Variants in SPOCK1 observed in about 807,000 individuals in gnomAD.
The protein encoded by SPOCK1 is testican-1.
A neutral mutation model predicts 55.3 loss-of-function variants in SPOCK1; 23 were observed. The observed-to-expected ratio is 0.42, with a 90% CI of 0.30 to 0.59. SPOCK1 has a LOEUF of 0.59. Among genes scored for constraint, SPOCK1 ranks in the 20% least tolerant of loss-of-function variants. The probability of loss-of-function intolerance (pLI) is 0.22; values close to 1 mark genes in which losing one functional copy is unlikely to be tolerated. For synonymous variants in SPOCK1, 226 were observed against 221.0 expected, an observed-to-expected ratio of 1.02 and a Z score of -0.20; for missense variants, 499 against 552.5, an observed-to-expected ratio of 0.90 and a Z score of 0.97.
At position 137,140,747 on chromosome 5, in the gene SPOCK1, ATTTTTTTTTTT is replaced by A. The variant is rs11309240; in HGVS notation, c.233-64_233-54del. ...GGTTTAGGACCTCCAGGGAAATTTA[ATTTTTTTTTTT>A]TTTTTTTTTTTTTTTGTTGAGACGG... On this transcript the variant is annotated intron_variant, in intron 3 of 10. Transcript: ENST00000394945. The A allele has an allele frequency of 1.7e-5, 6 of 351,586 alleles. No individual in the cohort carries two copies. In the African/African-American group the frequency reaches 1.8e-4, roughly 11 times the overall value. The allele number at this position is 351,586 out of a possible 1,614,324, so 21.8% of individuals were successfully genotyped here. A position where few individuals can be genotyped will look rare whatever the true frequency, so the allele number is the denominator to read the frequency against.
intron 3 of SPOCK1, among the ~76,000 whole-genome samples, chr5:137,257,282 T>C (rs1342861072): frequency 2.0e-5 from 3 of 152,184 alleles, no homozygotes; most frequent in Admixed American, 2.0e-4. Context: ...TTGAACTGAA[T>C]GTTTGTGTCC....
chr5:137,159,795 T>G (rs1324795878), intron 3 of SPOCK1, among the ~76,000 whole-genome samples: 1 of 152,196 alleles, frequency 6.6e-6, no homozygotes, highest in East Asian at 1.9e-4. Flanking sequence ...TGTCCACTTT[T>G]AATTCTAGTT....
chr5:137,059,214 A>C (rs1171064319), intron 6 of SPOCK1, among the ~76,000 whole-genome samples: 1 of 152,250 alleles, frequency 6.6e-6, no homozygotes, highest in Non-Finnish European at 1.5e-5. Context: ...TTACATATTT[A>C]AGTCTGGAGT....
chr5:137,220,765 C>T (rs1031146230), intron 3 of SPOCK1, among the ~76,000 whole-genome samples: 1 of 152,152 alleles, frequency 6.6e-6, no homozygotes, highest in East Asian at 1.9e-4. Flanking sequence ...GCTGTGTCAG[C>T]GAATAGGTAG....
intron 2 of SPOCK1, among the ~76,000 whole-genome samples, chr5:137,457,021 T>G (rs1753381712): frequency 6.6e-6 from 1 of 152,224 alleles, no homozygotes; most frequent in African/African-American, 2.4e-5. Flanking sequence ...CCAATAGTTA[T>G]CCTACTTAAT....
chr5:137,009,585 G>A (rs2126973671), intron 6 of SPOCK1, among the ~76,000 whole-genome samples: 1 of 152,302 alleles, frequency 6.6e-6, no homozygotes, highest in South Asian at 2.1e-4. Flanking sequence ...TAGCCCTGAG[G>A]TGGGAGAAAG....
At chr5:137,111,827 C>T (rs1219587318) in intron 5 of SPOCK1, among the ~76,000 whole-genome samples, 1 of 152,228 alleles carries the variant, frequency 6.6e-6, no homozygotes, top group Non-Finnish European at 1.5e-5. Context: ...TATAAATAGA[C>T]ATATTTTATC....
At chr5:137,338,605 C>T (rs1462042515) in intron 2 of SPOCK1, among the ~76,000 whole-genome samples, 16 of 152,044 alleles carry the variant, frequency 1.1e-4, no homozygotes, top group Middle Eastern at 6.8e-3. Flanking sequence ...CTGACTTCCA[C>T]AATGGTTGAA....
chr5:137,117,635 T>A (rs1301897394), intron 4 of SPOCK1, among the ~76,000 whole-genome samples: 1 of 152,136 alleles, frequency 6.6e-6, no homozygotes, highest in African/African-American at 2.4e-5. Flanking sequence ...GTTAGCACTA[T>A]GGTGAAGACA....
intron 2 of SPOCK1, among the ~76,000 whole-genome samples, chr5:137,317,085 G>T (rs1173958739): frequency 8.5e-5 from 13 of 152,220 alleles, no homozygotes. Flanking sequence ...CAACATGGAT[G>T]GTCCTTGATT....
intron 2 of SPOCK1, among the ~76,000 whole-genome samples, chr5:137,356,873 A>AGAGAGAGAGAGAGAGAGG (rs796667572): frequency 1.4e-5 from 1 of 69,826 alleles, no homozygotes; most frequent in Non-Finnish European, 2.7e-5. Flanking sequence ...AGAGAGAGAG[A>AGAGAGAGAGAGAGAGAGG]GAGTATGCAG....
In SPOCK1 at chr5:136,977,814, C is replaced by T. The variant is rs531662621; in HGVS notation, c.*840G>A. 1 of 399,000 alleles carries T rather than the reference C, an allele frequency of 2.5e-6. No individual in the cohort carries two copies. The highest frequency in any genetic ancestry group is 3.6e-5 in the East Asian group (1 of 28,074). 24.7% of individuals were successfully genotyped at this position (399,000 alleles called of 1,614,324 possible). The stretch of plus-strand genomic sequence containing the variant: ...AGAGACTTCCTCAGCCTGCAGGCTA[C>T]AAGAGCCAACTGTTAGTGCAAAAAA... On this transcript the variant is annotated 3_prime_UTR_variant, in exon 11 of 11. Transcript: ENST00000394945.
At chr5:137,157,634 G>A (rs146011212) in intron 3 of SPOCK1, among the ~76,000 whole-genome samples, 192 of 152,310 alleles carry the variant, frequency 1.3e-3, no homozygotes, top group Non-Finnish European at 1.6e-3. Flanking sequence ...TCTCTCCATA[G>A]AGTTTTCTGT....
intron 2 of SPOCK1, among the ~76,000 whole-genome samples, chr5:137,290,054 G>A (rs1474549767): frequency 1.3e-5 from 2 of 152,152 alleles, no homozygotes; most frequent in African/African-American, 4.8e-5. Context: ...AATAGGAACT[G>A]AAGATAAGCA....
chr5:137,112,342 C>G (rs752861549), intron 5 of SPOCK1, 93 bp downstream of exon 5: 14 of 1,508,062 alleles, frequency 9.3e-6, no homozygotes, highest in Non-Finnish European at 1.1e-5. Context: ...TGGAGCCCAC[C>G]ACGCTTCCCA....
intron 3 of SPOCK1, among the ~76,000 whole-genome samples, chr5:137,230,640 A>C (rs1336309431): frequency 6.6e-6 from 1 of 152,190 alleles, no homozygotes; most frequent in Non-Finnish European, 1.5e-5. Flanking sequence ...GTCCTTTTCT[A>C]TATCCTTTTC....
At chr5:137,144,975 T>G (rs1307150793) in intron 3 of SPOCK1, among the ~76,000 whole-genome samples, 1 of 152,132 alleles carries the variant, frequency 6.6e-6, no homozygotes, top group Non-Finnish European at 1.5e-5. Context: ...CTGTGTCTTC[T>G]CTACCTCTTC....
At chr5:137,454,442 T>C (rs903139490) in intron 2 of SPOCK1, among the ~76,000 whole-genome samples, 1 of 152,102 alleles carries the variant, frequency 6.6e-6, no homozygotes, top group African/African-American at 2.4e-5. Context: ...CTCTTTTACA[T>C]AACCAAAAGA....
intron 2 of SPOCK1, among the ~76,000 whole-genome samples, chr5:137,344,700 A>C (rs1186258455): frequency 2.6e-5 from 4 of 152,248 alleles, no homozygotes; most frequent in Non-Finnish European, 5.9e-5. Flanking sequence ...CCTGCTGTCA[A>C]GCAATGGTTT....
Sources: gnomAD v4.1 joint callset for allele counts (sites outside exome capture counted in the v4.1 genomes callset) on GRCh38, gnomAD v4.1.1 for gene constraint, MANE v1.5 for transcripts, NCBI Gene and HGNC (gene_info 2026-07-23, HGNC 2026-07-21) for gene names.